The following ARHGEF10 variants were observed in gnomAD, a reference collection of about 807,000 sequenced individuals.
ARHGEF10 encodes Rho guanine nucleotide exchange factor (GEF) 10.
Under a neutral mutation model 147.4 loss-of-function variants are expected in ARHGEF10, and 140 were observed. The observed-to-expected ratio is 0.95, with a 90% CI of 0.83 to 1.09. The LOEUF is 1.09. Among genes scored for constraint, ARHGEF10 ranks in the 50% least tolerant of loss-of-function variants. The pLI, the probability that ARHGEF10 is intolerant of heterozygous loss-of-function variation, is 0.00. For synonymous variants in ARHGEF10, 902 were observed against 695.8 expected, an observed-to-expected ratio of 1.30 and a Z score of -4.67; for missense variants, 2,222 against 1,752.7, an observed-to-expected ratio of 1.27 and a Z score of -4.78.
At chr8:1,956,029 C>T (rs1280635570) in intron 28 of ARHGEF10, among the ~76,000 whole-genome samples, 1 of 152,178 alleles carries the variant, frequency 6.6e-6, no homozygotes, top group African/African-American at 2.4e-5. Flanking sequence ...AGGGCTGGGG[C>T]CTGTTTCATC....
chr8:1,860,491 G>A (rs1466778077), intron 4 of ARHGEF10, among the ~76,000 whole-genome samples: 1 of 151,992 alleles, frequency 6.6e-6, no homozygotes, highest in Admixed American at 6.5e-5. Context: ...GATGTGGCCT[G>A]TGGTTCCGTA....
At position 1,923,860 on chromosome 8, in the gene ARHGEF10, C is replaced by T. The variant is rs1239948470; in HGVS notation, c.2474C>T (p.Ala825Val). The T allele has an allele frequency of 1.2e-6, 2 of 1,613,998 alleles. No individual in the cohort carries two copies. The highest frequency in any genetic ancestry group is 2.7e-5 in the African/African-American group (2 of 74,904). The stretch of plus-strand genomic sequence containing the variant: ...TCCTGGGTCAACAGCTTACAGATGG[C>T]CAAGCTCGCCCTAGGTAAGGCCTGG... ...KESWVNSLQMAKLALEEENHM... is the reference protein window; with the variant it reads ...KESWVNSLQMVKLALEEENHM... Residue 825 changes from alanine (A) to valine (V), a missense_variant, in exon 21 of 29, where the codon GCC (alanine) becomes GTC (valine). Ala to Val is a moderately conservative substitution (Grantham distance 64). Transcript: ENST00000349830.
intron 2 of ARHGEF10, among the ~76,000 whole-genome samples, chr8:1,848,799 C>A (rs1337592933): frequency 6.6e-6 from 1 of 152,172 alleles, no homozygotes; most frequent in Admixed American, 6.5e-5. Flanking sequence ...CCCCTTGAAG[C>A]AAACTTTTAA....
At chr8:1,831,646 T>C (rs1165821494) in intron 1 of ARHGEF10, among the ~76,000 whole-genome samples, 1 of 151,786 alleles carries the variant, frequency 6.6e-6, no homozygotes, top group East Asian at 1.9e-4. Context: ...GGTGAGCGAG[T>C]TGGGACGCGA....
At chr8:1,850,815 T>G (rs1419013524) in intron 2 of ARHGEF10, among the ~76,000 whole-genome samples, 1 of 151,948 alleles carries the variant, frequency 6.6e-6, no homozygotes, top group East Asian at 1.9e-4. Flanking sequence ...CTTCAGGAGG[T>G]GAATGGATGG....
chr8:1,880,298 G>A lies in ARHGEF10; in HGVS notation c.960+134G>A, dbSNP rs916802074. The A allele has an allele frequency of 4.3e-6, 3 of 697,550 alleles. No homozygotes were observed. In the South Asian group the frequency reaches 4.6e-5, roughly 11 times the overall value. 43.2% of individuals were successfully genotyped at this position (697,550 alleles called of 1,614,324 possible). On this transcript the variant is annotated intron_variant, in intron 9 of 28. Transcript: ENST00000349830. ...TCCGGGGCTCCTGGAATCCCCCGAC[G>A]CTTTGGGGCTCACGTGGACTCTGAG...
chr8:1,887,818 G>A (rs1173958669), intron 11 of ARHGEF10, among the ~76,000 whole-genome samples: 6 of 146,512 alleles, frequency 4.1e-5, no homozygotes, highest in African/African-American at 1.5e-4. Flanking sequence ...GAGATGCTGA[G>A]GAGAGGTGAA....
At chr8:1,934,454 A>T (rs1221897958) in intron 26 of ARHGEF10, among the ~76,000 whole-genome samples, 2 of 152,032 alleles carry the variant, frequency 1.3e-5, no homozygotes, top group Non-Finnish European at 2.9e-5. Flanking sequence ...TTTTTTAACC[A>T]TTTACCTGTG....
chr8:1,842,592 C>T (rs904944107), intron 1 of ARHGEF10, among the ~76,000 whole-genome samples: 4 of 152,194 alleles, frequency 2.6e-5, no homozygotes, highest in Non-Finnish European at 5.9e-5. Flanking sequence ...GGTGCCTGGT[C>T]CCCGGTGCTA....
chr8:1,910,536 C>T (rs1811279318), intron 18 of ARHGEF10, among the ~76,000 whole-genome samples: 1 of 152,132 alleles, frequency 6.6e-6, no homozygotes, highest in African/African-American at 2.4e-5. Flanking sequence ...CAAACCCTCT[C>T]CACAAATAAC....
chr8:1,847,944 A>C (rs1804682399), intron 2 of ARHGEF10, among the ~76,000 whole-genome samples: 1 of 152,140 alleles, frequency 6.6e-6, no homozygotes, highest in Non-Finnish European at 1.5e-5. Flanking sequence ...TAATCGTTGC[A>C]TGTCTTTAAA....
intron 1 of ARHGEF10, among the ~76,000 whole-genome samples, chr8:1,832,500 A>T (rs1803199032): frequency 7.5e-6 from 1 of 133,368 alleles, no homozygotes; most frequent in Admixed American, 7.8e-5. Context: ...AGAGGCAGAG[A>T]CACAGGCAGA....
intron 26 of ARHGEF10, among the ~76,000 whole-genome samples, chr8:1,935,957 C>A (rs920069693): frequency 6.6e-6 from 1 of 152,166 alleles, no homozygotes; most frequent in East Asian, 1.9e-4. Context: ...ATGAGCCCAC[C>A]CGTGTCTGCT....
intron 28 of ARHGEF10, among the ~76,000 whole-genome samples, chr8:1,954,014 A>G (rs533152949): frequency 6.6e-6 from 1 of 152,268 alleles, no homozygotes; most frequent in South Asian, 2.1e-4. Context: ...TTCATTTCCT[A>G]ATTTATGTTT....
chr8:1,920,874 G>A (rs867758696), intron 18 of ARHGEF10, among the ~76,000 whole-genome samples: 43 of 150,974 alleles, frequency 2.8e-4, no homozygotes, highest in East Asian at 2.3e-3. Flanking sequence ...GACCTCCTCC[G>A]CCTTCCAGCT....
intron 4 of ARHGEF10, among the ~76,000 whole-genome samples, chr8:1,861,084 G>A (rs1317303184): frequency 6.6e-6 from 1 of 152,206 alleles, no homozygotes; most frequent in East Asian, 1.9e-4. Context: ...GACTGTGGGT[G>A]CCCTCGTGGG....
chr8:1,903,326 C>T lies in ARHGEF10; in HGVS notation c.1696C>T (p.Leu566Phe). ...CAAAGGCCACCCCGACAGGCTGCCT[C>T]TTCAGATGGCCCTGACAGAGCTCGA... Reference protein sequence around the residue: ...TSKGHPDRLPLQMALTELETL... With the variant: ...TSKGHPDRLPFQMALTELETL... Residue 566 changes from leucine to phenylalanine, a missense_variant, in exon 16 of 29, where the codon CTT becomes TTT. Leu to Phe is a conservative substitution (Grantham distance 22). Transcript: ENST00000349830. The T allele has an allele frequency of 6.2e-7, 1 of 1,614,136 alleles. No homozygotes were observed.
intron 7 of ARHGEF10, among the ~76,000 whole-genome samples, chr8:1,873,202 C>G (rs1807281234): frequency 6.6e-6 from 1 of 152,128 alleles, no homozygotes; most frequent in South Asian, 2.1e-4. Flanking sequence ...GCAGGAGGGC[C>G]CTGTGGGATG....
chr8:1,837,347 G>A (rs1184689240), intron 1 of ARHGEF10, among the ~76,000 whole-genome samples: 1 of 152,266 alleles, frequency 6.6e-6, no homozygotes, highest in Non-Finnish European at 1.5e-5. Context: ...GCTGGGTGAA[G>A]TGTGAGCTGT....
Sources: gnomAD v4.1 joint callset for allele counts (sites outside exome capture counted in the v4.1 genomes callset) on GRCh38, gnomAD v4.1.1 for gene constraint, MANE v1.5 for transcripts, NCBI Gene and HGNC (gene_info 2026-07-23, HGNC 2026-07-21) for gene names.